Variants in ADARB2 observed in about 807,000 individuals in gnomAD.
The protein encoded by ADARB2 is inactive double-stranded RNA-specific editase B2.
In ADARB2, 25 loss-of-function variants were observed where a neutral mutation model predicts 62.2. The observed-to-expected ratio is 0.40, with a 90% CI of 0.29 to 0.56. The LOEUF is 0.56. ADARB2 is among the 20% of genes least tolerant of loss of function. The pLI is 0.43. For missense variants in ADARB2, 1,071 were observed against 1,077.4 expected (o/e 0.99, Z 0.08); for synonymous variants, 572 against 500.8 (o/e 1.14, Z -1.90).
chr10:1,594,223 A>G (rs751379328), intron 1 of ADARB2, among the ~76,000 whole-genome samples: 23 of 152,282 alleles, frequency 1.5e-4, no homozygotes, highest in Admixed American at 4.6e-4. Flanking sequence ...TCCAGGAGGC[A>G]GAGGTTGCAG....
At chr10:1,510,767 C>T (rs1211583591) in intron 1 of ADARB2, among the ~76,000 whole-genome samples, 5 of 152,144 alleles carry the variant, frequency 3.3e-5, no homozygotes, top group African/African-American at 1.2e-4. Context: ...TGGAATCTAG[C>T]CCAAAGCCAG....
At chr10:1,333,944 C>T (rs912188372) in intron 3 of ADARB2, among the ~76,000 whole-genome samples, 6 of 152,226 alleles carry the variant, frequency 3.9e-5, no homozygotes, top group African/African-American at 1.2e-4. Context: ...TCAAGCACCC[C>T]AGTGGTCTTT....
At chr10:1,189,227 A>G (rs1836805258) in intron 8 of ADARB2, among the ~76,000 whole-genome samples, 1 of 151,984 alleles carries the variant, frequency 6.6e-6, no homozygotes, top group South Asian at 2.1e-4. Context: ...CCTTCTGCTC[A>G]TGTGTGAATG....
At chr10:1,194,758 T>C (rs547595472) in intron 8 of ADARB2, among the ~76,000 whole-genome samples, 1 of 152,326 alleles carries the variant, frequency 6.6e-6, no homozygotes, top group Admixed American at 6.5e-5. Flanking sequence ...TTCTGAGCTT[T>C]CATCTCTCCC....
At chr10:1,438,252 A>G (rs1472780825) in intron 1 of ADARB2, among the ~76,000 whole-genome samples, 1 of 150,340 alleles carries the variant, frequency 6.7e-6, no homozygotes, top group Non-Finnish European at 1.5e-5. Context: ...GTTCTTCACT[A>G]TGGGGCTCCT....
intron 3 of ADARB2, among the ~76,000 whole-genome samples, chr10:1,286,982 T>A (rs962157578): frequency 6.6e-6 from 1 of 152,218 alleles, no homozygotes; most frequent in Non-Finnish European, 1.5e-5. Flanking sequence ...CACCCCCACG[T>A]GCCTCATCCT....
intron 1 of ADARB2, among the ~76,000 whole-genome samples, chr10:1,462,741 CTGTG>C (rs767796442): frequency 2.0e-5 from 3 of 148,736 alleles, no homozygotes; most frequent in East Asian, 3.9e-4. Context: ...GTGTATGTGC[CTGTG>C]TGTATGTATG....
chr10:1,682,424 C>T (rs1834549451), intron 1 of ADARB2, among the ~76,000 whole-genome samples: 1 of 152,188 alleles, frequency 6.6e-6, no homozygotes, highest in Non-Finnish European at 1.5e-5. Flanking sequence ...TTAAGGAAAC[C>T]AGTATCCCCT....
intron 1 of ADARB2, among the ~76,000 whole-genome samples, chr10:1,632,033 G>C (rs921770151): frequency 8.5e-5 from 13 of 152,302 alleles, no homozygotes; most frequent in African/African-American, 3.1e-4. Flanking sequence ...TGGGAGGACT[G>C]AGACATTTTA....
intron 1 of ADARB2, among the ~76,000 whole-genome samples, chr10:1,668,832 G>C (rs572323992): frequency 3.3e-5 from 5 of 152,186 alleles, no homozygotes; most frequent in African/African-American, 1.2e-4. Context: ...CAGTCCTCCC[G>C]TTGTGCTGCT....
chr10:1,267,810 G>A (rs1831220689), intron 4 of ADARB2, among the ~76,000 whole-genome samples: 1 of 152,204 alleles, frequency 6.6e-6, no homozygotes, highest in Non-Finnish European at 1.5e-5. Context: ...TGCTGGGAGG[G>A]TTGAAGGTGG....
intron 1 of ADARB2, among the ~76,000 whole-genome samples, chr10:1,485,457 G>A (rs954996471): frequency 6.6e-6 from 1 of 152,096 alleles, no homozygotes; most frequent in South Asian, 2.1e-4. Flanking sequence ...ATGGCAGCAT[G>A]TGGGGGGATA....
intron 1 of ADARB2, among the ~76,000 whole-genome samples, chr10:1,550,979 C>G (rs543201830): frequency 6.6e-6 from 1 of 152,236 alleles, no homozygotes; most frequent in African/African-American, 2.4e-5. Flanking sequence ...GGGCTGTATT[C>G]GGCCCTGTCA....
intron 1 of ADARB2, among the ~76,000 whole-genome samples, chr10:1,565,343 C>T (rs1229039506): frequency 1.3e-5 from 2 of 152,166 alleles, no homozygotes; most frequent in East Asian, 1.9e-4. Flanking sequence ...AGATCGAATG[C>T]GTCTTCATGA....
At chr10:1,717,465 T>C (rs1835034050) in intron 1 of ADARB2, among the ~76,000 whole-genome samples, 1 of 151,986 alleles carries the variant, frequency 6.6e-6, no homozygotes, top group Non-Finnish European at 1.5e-5. Context: ...TTTCTTTCTT[T>C]TCTTTTCTGT....
intron 1 of ADARB2, among the ~76,000 whole-genome samples, chr10:1,487,395 G>A (rs1342833521): frequency 1.3e-5 from 2 of 152,374 alleles, no homozygotes; most frequent in East Asian, 3.9e-4. Flanking sequence ...GGCAAGATAA[G>A]CTCTTGCTGG....
At chr10:1,430,182 T>C (rs1182379219) in intron 1 of ADARB2, among the ~76,000 whole-genome samples, 1 of 152,180 alleles carries the variant, frequency 6.6e-6, no homozygotes, top group Admixed American at 6.5e-5. Context: ...CAGTAGACCA[T>C]GGTGCAGTGT....
At chr10:1,275,820 T>C (rs1831310996) in intron 3 of ADARB2, among the ~76,000 whole-genome samples, 2 of 152,090 alleles carry the variant, frequency 1.3e-5, no homozygotes, top group African/African-American at 4.8e-5. Context: ...ACCATGTCCC[T>C]ACAAAGGACA....
chr10:1,308,810 A>AT (rs909374840), intron 3 of ADARB2, among the ~76,000 whole-genome samples: 23 of 151,890 alleles, frequency 1.5e-4, no homozygotes, highest in East Asian at 3.9e-4. Context: ...CTCTATTTCT[A>AT]TTTTTTTTAG....
Sources: allele counts gnomAD v4.1 joint callset (sites outside exome capture counted in the v4.1 genomes callset), GRCh38; gene constraint gnomAD v4.1.1; transcripts MANE v1.5; gene names NCBI Gene and HGNC (gene_info 2026-07-23, HGNC 2026-07-21).